The following DLGAP2 variants were observed in gnomAD, a reference collection of about 807,000 sequenced individuals.
The protein encoded by DLGAP2 is disks large-associated protein 2.
Under a neutral mutation model 100.3 loss-of-function variants are expected in DLGAP2, and 26 were observed. That is an observed-to-expected ratio of 0.26 (90% CI 0.19 to 0.36). The LOEUF is 0.36. Among genes scored for constraint, DLGAP2 ranks in the 10% least tolerant of loss-of-function variants. DLGAP2 has a pLI of 1.00. For missense variants in DLGAP2, 1,858 were observed against 1,453.2 expected, an observed-to-expected ratio of 1.28 and a Z score of -4.53; for synonymous variants, 886 against 630.1, an observed-to-expected ratio of 1.41 and a Z score of -6.08.
At chr8:1,641,500 G>A (rs1393619751) in intron 8 of DLGAP2, among the ~76,000 whole-genome samples, 13 of 152,152 alleles carry the variant, frequency 8.5e-5, no homozygotes, top group Admixed American at 7.9e-4. Context: ...TTGTCTAGAC[G>A]AATTAATCAT....
intron 2 of DLGAP2, among the ~76,000 whole-genome samples, chr8:978,938 G>A (rs1466744823): frequency 6.6e-6 from 1 of 152,142 alleles, no homozygotes; most frequent in Non-Finnish European, 1.5e-5. Context: ...TTTCTCTGCT[G>A]GCAACGAGTT....
chr8:876,181 T>C (rs918913129), intron 1 of DLGAP2, among the ~76,000 whole-genome samples: 1 of 152,224 alleles, frequency 6.6e-6, no homozygotes, highest in Non-Finnish European at 1.5e-5. Flanking sequence ...ACAGAAAATA[T>C]GTTAATACAG....
intron 2 of DLGAP2, among the ~76,000 whole-genome samples, chr8:1,206,957 C>T (rs1291608574): frequency 2.0e-5 from 3 of 152,180 alleles, no homozygotes; most frequent in African/African-American, 7.2e-5. Flanking sequence ...TGAGTGGACA[C>T]CGTCTCGGTG....
At chr8:1,548,542 C>A in intron 4 of DLGAP2, 84 bp from the exon 5 acceptor site, 1 of 1,263,222 alleles carries the variant, frequency 7.9e-7, no homozygotes, top group Non-Finnish European at 1.1e-6. Flanking sequence ...TTAATGAAGT[C>A]CACGGTGGGG....
At chr8:1,448,096 C>G (rs1475198628) in intron 3 of DLGAP2, among the ~76,000 whole-genome samples, 1 of 152,120 alleles carries the variant, frequency 6.6e-6, no homozygotes, top group East Asian at 1.9e-4. Flanking sequence ...TTCAGTTCTG[C>G]TCTGATTTTA....
At chr8:1,080,880 G>A (rs956441730) in intron 2 of DLGAP2, among the ~76,000 whole-genome samples, 16 of 152,078 alleles carry the variant, frequency 1.1e-4, no homozygotes, top group Admixed American at 1.0e-3. Flanking sequence ...TTAAATATTG[G>A]TTTAAAGGAA....
At chr8:1,327,348 G>A (rs752905667) in intron 3 of DLGAP2, among the ~76,000 whole-genome samples, 2 of 152,242 alleles carry the variant, frequency 1.3e-5, no homozygotes, top group South Asian at 2.1e-4. Flanking sequence ...TGGGTTTCAT[G>A]TAAAAGGTCA....
intron 3 of DLGAP2, among the ~76,000 whole-genome samples, chr8:1,451,241 C>G (rs1403847728): frequency 6.6e-6 from 1 of 152,152 alleles, no homozygotes; most frequent in South Asian, 2.1e-4. Context: ...AGGCCTGTTG[C>G]AGCGTAACTA....
chr8:1,489,313 G>A (rs1799311206), intron 3 of DLGAP2, among the ~76,000 whole-genome samples: 1 of 152,190 alleles, frequency 6.6e-6, no homozygotes, highest in South Asian at 2.1e-4. Flanking sequence ...CCTGCAAGAG[G>A]CACCATGCGT....
At chr8:749,770 C>T (rs1194064127) in intron 1 of DLGAP2, among the ~76,000 whole-genome samples, 4 of 152,114 alleles carry the variant, frequency 2.6e-5, no homozygotes, top group Admixed American at 2.6e-4. Context: ...ATCGGGTGCC[C>T]GAAACGGCAG....
chr8:1,113,402 A>G (rs1482325035), intron 2 of DLGAP2, among the ~76,000 whole-genome samples: 1 of 152,204 alleles, frequency 6.6e-6, no homozygotes, highest in Non-Finnish European at 1.5e-5. Context: ...TTCTCATTGA[A>G]GAGATCTTTA....
At chr8:800,610 G>C (rs1453682924) in intron 1 of DLGAP2, among the ~76,000 whole-genome samples, 1 of 152,204 alleles carries the variant, frequency 6.6e-6, no homozygotes. Context: ...GCATGTGTGT[G>C]TGTACATGTA....
chr8:1,487,088 A>T (rs932475284), intron 3 of DLGAP2, among the ~76,000 whole-genome samples: 6 of 152,334 alleles, frequency 3.9e-5, no homozygotes, highest in Middle Eastern at 3.4e-3. Context: ...ATGAATTGCA[A>T]TGTAAGTGCT....
intron 3 of DLGAP2, among the ~76,000 whole-genome samples, chr8:1,309,579 G>A (rs192719493): frequency 1.5e-3 from 224 of 152,292 alleles, no homozygotes; most frequent in African/African-American, 5.0e-3. Flanking sequence ...ACAAGAATGC[G>A]AAAGGGAACC....
At chr8:771,997 G>A (rs1057497332) in intron 1 of DLGAP2, among the ~76,000 whole-genome samples, 1 of 152,094 alleles carries the variant, frequency 6.6e-6, no homozygotes, top group East Asian at 1.9e-4. Context: ...CCAACTCCTG[G>A]ACTCAAGCGA....
chr8:1,159,323 TAAG>T (rs945346985), intron 2 of DLGAP2, among the ~76,000 whole-genome samples: 14 of 152,250 alleles, frequency 9.2e-5, no homozygotes, highest in African/African-American at 3.4e-4. Context: ...TTAAACAATG[TAAG>T]AAGAGGTATA....
intron 2 of DLGAP2, among the ~76,000 whole-genome samples, chr8:1,000,379 A>G (rs184372219): frequency 7.0e-6 from 1 of 142,080 alleles, no homozygotes; most frequent in Admixed American, 7.1e-5. Context: ...CTAGAGCGGA[A>G]AGATCTGGGT....
At chr8:801,456 T>C (rs914754563) in intron 1 of DLGAP2, among the ~76,000 whole-genome samples, 14 of 152,316 alleles carry the variant, frequency 9.2e-5, no homozygotes, top group African/African-American at 3.4e-4. Context: ...CTGCCCTCAT[T>C]AGGATGGAGC....
At chr8:1,681,810 G>C (rs976259853) in intron 12 of DLGAP2, among the ~76,000 whole-genome samples, 1 of 152,200 alleles carries the variant, frequency 6.6e-6, no homozygotes, top group Non-Finnish European at 1.5e-5. Context: ...GAGAGATTAA[G>C]ATCTTGCCCC....
Sources: gnomAD v4.1 joint callset for allele counts (sites outside exome capture counted in the v4.1 genomes callset) on GRCh38, gnomAD v4.1.1 for gene constraint, MANE v1.5 for transcripts, NCBI Gene and HGNC (gene_info 2026-07-23, HGNC 2026-07-21) for gene names.